IGBP1C: variants seen among roughly 807,000 people sequenced by gnomAD.
The protein encoded by IGBP1C is immunoglobulin-binding protein 1 family member C.
chr17:58,679,141 C>G, the IGBP1C span, among the ~76,000 whole-genome samples: 3 of 151,730 alleles, frequency 2.0e-5, no homozygotes, highest in East Asian at 3.9e-4. Flanking sequence ...GCTACAAGAG[C>G]GAAACGCCGT....
At chr17:58,674,801 T>TA in the IGBP1C span, among the ~76,000 whole-genome samples, 578 of 109,692 alleles carry the variant, frequency 5.3e-3, 8 homozygotes, top group African/African-American at 0.016. Context: ...ATAAAGTGGT[T>TA]AAAAAAAAAA....
the IGBP1C span, among the ~76,000 whole-genome samples, chr17:58,688,765 A>G: frequency 3.3e-5 from 5 of 152,126 alleles, no homozygotes; most frequent in Non-Finnish European, 5.9e-5. Context: ...AAATTTTTTC[A>G]TGAAGTAACC....
chr17:58,682,779 C>A, the IGBP1C span, among the ~76,000 whole-genome samples: 1 of 152,116 alleles, frequency 6.6e-6, no homozygotes, highest in South Asian at 2.1e-4. Context: ...AATATCTGTT[C>A]AAGGGAGTCA....
chr17:58,682,347 T>C, the IGBP1C span, among the ~76,000 whole-genome samples: 1 of 151,594 alleles, frequency 6.6e-6, no homozygotes, highest in African/African-American at 2.4e-5. Flanking sequence ...CACATCTGCC[T>C]CCCAGGTTCA....
chr17:58,677,186 CT>C, the IGBP1C span, among the ~76,000 whole-genome samples: 11 of 151,472 alleles, frequency 7.3e-5, no homozygotes, highest in Non-Finnish European at 1.2e-4. Flanking sequence ...ACTTGGAAGG[CT>C]GAGGCAGAAG....
At chr17:58,684,319 A>G in the IGBP1C span, among the ~76,000 whole-genome samples, 1 of 151,724 alleles carries the variant, frequency 6.6e-6, no homozygotes, top group African/African-American at 2.4e-5. Context: ...AAAATTAGTG[A>G]GGCATGGTGG....
the IGBP1C span, among the ~76,000 whole-genome samples, chr17:58,682,639 G>A: frequency 6.6e-6 from 1 of 152,042 alleles, no homozygotes; most frequent in African/African-American, 2.4e-5. Context: ...TTCCCAAAGT[G>A]CTGGGATTAT....
At chr17:58,668,162 CT>C in the IGBP1C span, among the ~76,000 whole-genome samples, 4 of 152,168 alleles carry the variant, frequency 2.6e-5, no homozygotes, top group African/African-American at 7.2e-5. Flanking sequence ...CCTCTTACCC[CT>C]GATGTTTCCT....
chr17:58,677,616 G>A, the IGBP1C span: 1 of 152,226 alleles, frequency 6.6e-6, no homozygotes, highest in East Asian at 1.9e-4. Context: ...CACAAATTAT[G>A]CAGTTGAGTA....
At chr17:58,663,968 G>A in the IGBP1C span, among the ~76,000 whole-genome samples, 1 of 152,152 alleles carries the variant, frequency 6.6e-6, no homozygotes, top group Non-Finnish European at 1.5e-5. Flanking sequence ...ACCTGAGTTT[G>A]GGAAGGTGGA....
chr17:58,670,764 C>A, the IGBP1C span, among the ~76,000 whole-genome samples: 2 of 91,380 alleles, frequency 2.2e-5, no homozygotes, highest in African/African-American at 9.0e-5. Flanking sequence ...CAGAGTGAGA[C>A]TCCCTCTTAA....
the IGBP1C span, among the ~76,000 whole-genome samples, chr17:58,677,186 C>T: frequency 1.3e-5 from 2 of 151,472 alleles, no homozygotes; most frequent in Non-Finnish European, 2.9e-5. Flanking sequence ...ACTTGGAAGG[C>T]TGAGGCAGAA....
At chr17:58,673,318 T>A in the IGBP1C span, among the ~76,000 whole-genome samples, 4 of 149,776 alleles carry the variant, frequency 2.7e-5, no homozygotes, top group African/African-American at 7.4e-5. Context: ...AAAAAAAAAA[T>A]AACAAATATA....
At chr17:58,670,785 A>G in the IGBP1C span, among the ~76,000 whole-genome samples, 3 of 150,714 alleles carry the variant, frequency 2.0e-5, no homozygotes, top group African/African-American at 4.9e-5. Flanking sequence ...AAAAAAAAAA[A>G]AAAAAAAAAA....
At chr17:58,684,302 A>G in the IGBP1C span, among the ~76,000 whole-genome samples, 4 of 151,760 alleles carry the variant, frequency 2.6e-5, no homozygotes. Flanking sequence ...TCTCTACTAA[A>G]AATACAAAAA....
the IGBP1C span, among the ~76,000 whole-genome samples, chr17:58,672,146 C>T: frequency 6.6e-6 from 1 of 152,132 alleles, no homozygotes; most frequent in Non-Finnish European, 1.5e-5. Context: ...GTTTCACGCT[C>T]CTATGAGAAT....
At chr17:58,678,984 T>C in the IGBP1C span, among the ~76,000 whole-genome samples, 1 of 151,730 alleles carries the variant, frequency 6.6e-6, no homozygotes, top group African/African-American at 2.4e-5. Context: ...TGAAACCCCG[T>C]CTCTACTAAA....
chr17:58,671,890 CCTAGCCCCATCT>C, the IGBP1C span, among the ~76,000 whole-genome samples: 1 of 152,116 alleles, frequency 6.6e-6, no homozygotes, highest in Non-Finnish European at 1.5e-5. Flanking sequence ...TCACTAGGCC[CCTAGCCCCATCT>C]CTCACCTACT....
chr17:58,680,585 T>C, the IGBP1C span, among the ~76,000 whole-genome samples: 1 of 151,444 alleles, frequency 6.6e-6, no homozygotes, highest in Non-Finnish European at 1.5e-5. Flanking sequence ...CTAATAAAAA[T>C]ACAAAAATCA....
Sources: gnomAD v4.1 joint callset for allele counts (sites outside exome capture counted in the v4.1 genomes callset) on GRCh38, gnomAD v4.1.1 for gene constraint, MANE v1.5 for transcripts, NCBI Gene and HGNC (gene_info 2026-07-23, HGNC 2026-07-21) for gene names.